MOXD1: variants seen among roughly 807,000 people sequenced by gnomAD.
The protein encoded by MOXD1 is DBH-like monooxygenase protein 1.
In MOXD1, 62 loss-of-function variants were observed where a neutral mutation model predicts 66.6. The ratio of observed to expected loss-of-function variants is 0.93; its 90% CI spans 0.76 to 1.15. The LOEUF (loss-of-function observed/expected upper bound fraction) is 1.15. Among genes scored for constraint, MOXD1 ranks in the 50% most tolerant of loss-of-function variants. The probability of loss-of-function intolerance (pLI) is 0.00; values close to 1 mark genes in which losing one functional copy is unlikely to be tolerated. For synonymous variants in MOXD1, 303 were observed against 281.9 expected, an observed-to-expected ratio of 1.07 and a Z score of -0.75; for missense variants, 847 against 754.6, an observed-to-expected ratio of 1.12 and a Z score of -1.44.
At chr6:132,338,184 C>G (rs7739587) in intron 4 of MOXD1, among the ~76,000 whole-genome samples, 115 of 152,236 alleles carry the variant, frequency 7.6e-4, no homozygotes, top group African/African-American at 2.6e-3. Context: ...AGTGTCACAG[C>G]GCAGATTTGA....
chr6:132,371,156 CA>C (rs1776255412), intron 4 of MOXD1, among the ~76,000 whole-genome samples: 1 of 152,070 alleles, frequency 6.6e-6, no homozygotes, highest in Non-Finnish European at 1.5e-5. Context: ...AGCCTGGTTC[CA>C]GTTAAATTTA....
At chr6:132,321,123 G>A (rs1775070225) in intron 8 of MOXD1, among the ~76,000 whole-genome samples, 1 of 152,136 alleles carries the variant, frequency 6.6e-6, no homozygotes, top group Admixed American at 6.6e-5. Flanking sequence ...AAATTAGCCA[G>A]GCGTGGTTGC....
intron 1 of MOXD1, among the ~76,000 whole-genome samples, chr6:132,386,433 C>CAAA (rs143926667): frequency 1.1e-4 from 7 of 65,098 alleles, no homozygotes; most frequent in African/African-American, 3.6e-4. Flanking sequence ...CAAAACAAAA[C>CAAA]AAAAAAAAAA....
At chr6:132,367,655 C>A (rs1776174623) in intron 4 of MOXD1, among the ~76,000 whole-genome samples, 1 of 152,004 alleles carries the variant, frequency 6.6e-6, no homozygotes, top group Non-Finnish European at 1.5e-5. Flanking sequence ...GTTGCCTGAT[C>A]ATAATAGTTG....
At chr6:132,398,071 C>G (rs56172786) in intron 1 of MOXD1, among the ~76,000 whole-genome samples, 26,023 of 152,138 alleles carry the variant, frequency 0.17, 2,612 homozygotes, top group Middle Eastern at 0.25. Context: ...TTTTGAGTCT[C>G]TATTGTCTAT....
intron 1 of MOXD1, among the ~76,000 whole-genome samples, chr6:132,397,778 T>C (rs1324248533): frequency 6.6e-6 from 1 of 152,134 alleles, no homozygotes; most frequent in Admixed American, 6.6e-5. Context: ...CAATACTGAA[T>C]TTACATTCCT....
intron 4 of MOXD1, among the ~76,000 whole-genome samples, chr6:132,350,079 G>A (rs1224316722): frequency 6.6e-6 from 1 of 152,180 alleles, no homozygotes; most frequent in Non-Finnish European, 1.5e-5. Context: ...TGGGTTGTCT[G>A]TTTACTCTGC....
At position 132,297,009 on chromosome 6, in the gene MOXD1, C is replaced by A. The variant is rs988605640; in HGVS notation, c.*144G>T. The A allele has an allele frequency of 8.4e-5, 59 of 703,916 alleles. No individual in the cohort carries two copies. Among genetic ancestry groups the A allele is most frequent in the Non-Finnish European group, 1.2e-4 (53 of 435,038 alleles). The allele number at this position is 703,916 out of a possible 1,614,324, so 43.6% of individuals were successfully genotyped here. On this transcript the variant is annotated 3_prime_UTR_variant, in exon 12 of 12. Coordinates refer to ENST00000367963, the MANE Select transcript of MOXD1 (RefSeq NM_015529.4). ...AACCTGATTGATGTCTCTCATGTAA[C>A]ATGGAAAGGAAAAAGGAGGGAGGGA...
chr6:132,310,681 A>G (rs998157749), intron 10 of MOXD1, among the ~76,000 whole-genome samples: 2 of 152,182 alleles, frequency 1.3e-5, no homozygotes, highest in African/African-American at 2.4e-5. Context: ...AAGGAATGAG[A>G]TCATGTCCTT....
chr6:132,360,923 T>C (rs1290798301), intron 4 of MOXD1, among the ~76,000 whole-genome samples: 2 of 152,138 alleles, frequency 1.3e-5, no homozygotes, highest in African/African-American at 2.4e-5. Flanking sequence ...TAAACCAAAG[T>C]GTCTCTCCTA....
At chr6:132,324,485 G>A (rs1775146473) in intron 6 of MOXD1, among the ~76,000 whole-genome samples, 1 of 152,136 alleles carries the variant, frequency 6.6e-6, no homozygotes, top group Non-Finnish European at 1.5e-5. Flanking sequence ...ATTGTTTCGA[G>A]ATGAAGTTCA....
chr6:132,394,267 C>G (rs955342088), intron 1 of MOXD1, among the ~76,000 whole-genome samples: 1 of 152,124 alleles, frequency 6.6e-6, no homozygotes. Context: ...GAGTCAAGGC[C>G]AAAGTGCCCT....
Position 132,374,506 on chromosome 6 carries a change from AT to A in MOXD1, c.411+124del, listed in dbSNP as rs201819887. On this transcript the variant is annotated intron_variant, in intron 2 of 11. Transcript: ENST00000367963. ...AAAACTAAAAAAAAAACTAAAAAAA[AT>A]CAAAAAAGATTTCAAAAATATTAGA... 1,550 of 1,037,702 alleles carry A rather than the reference AT, an allele frequency of 1.5e-3. 19 individuals are homozygous for A. The African/African-American group carries it at 0.023, about 15-fold the overall frequency. 64.3% of individuals were successfully genotyped at this position (1,037,702 alleles called of 1,614,324 possible).
chr6:132,314,965 C>T (rs1415557862), intron 10 of MOXD1, among the ~76,000 whole-genome samples: 1 of 152,162 alleles, frequency 6.6e-6, no homozygotes, highest in Non-Finnish European at 1.5e-5. Context: ...GAAAGGCCTG[C>T]TTGCAAGGAT....
Position 132,337,810 on chromosome 6 carries a change from T to C in MOXD1, c.664-9216A>G, listed in dbSNP as rs140491484. Among the ~76,000 whole-genome samples, 324 of 152,324 alleles carry C rather than the reference T, an allele frequency of 2.1e-3. 1 individual carries two copies. The highest frequency in any genetic ancestry group is 7.3e-3 in the African/African-American group (304 of 41,562). ...TACCTATATTAGCATATATAGTAAT[T>C]ATCAATTACTTGAGATATTCAATAC... On this transcript the variant is annotated intron_variant, in intron 4 of 11. Coordinates refer to ENST00000367963, the MANE Select transcript of MOXD1 (RefSeq NM_015529.4).
intron 4 of MOXD1, among the ~76,000 whole-genome samples, chr6:132,342,922 C>A (rs1438156091): frequency 6.6e-6 from 1 of 152,082 alleles, no homozygotes; most frequent in African/African-American, 2.4e-5. Flanking sequence ...GATAGATGCA[C>A]ATGTACTAAC....
intron 10 of MOXD1, among the ~76,000 whole-genome samples, chr6:132,302,769 G>A (rs1303860064): frequency 6.6e-6 from 1 of 151,952 alleles, no homozygotes; most frequent in East Asian, 1.9e-4. Context: ...GGGAAAAAAT[G>A]ACAAAGTTTT....
chr6:132,299,973 C>T (rs1180478352), intron 10 of MOXD1, among the ~76,000 whole-genome samples: 3 of 151,100 alleles, frequency 2.0e-5, no homozygotes, highest in Non-Finnish European at 4.4e-5. Context: ...ATTAAAAGTT[C>T]CTTATTAATT....
chr6:132,360,110 C>T lies in MOXD1; in HGVS notation c.663+12498G>A, dbSNP rs150204244. Among the ~76,000 whole-genome samples the T allele has an allele frequency of 1.4e-4, 22 of 152,318 alleles. No homozygotes were observed. In the East Asian group the frequency reaches 4.1e-3, roughly 28 times the overall value. ...TTGCCACATGTGGGACCAAGTGGAG[C>T]TTCCTCAGGGACCAATGTGTAATAC... On this transcript the variant is annotated intron_variant, in intron 4 of 11. Coordinates refer to ENST00000367963, the MANE Select transcript of MOXD1 (RefSeq NM_015529.4).
Sources: allele counts gnomAD v4.1 joint callset (sites outside exome capture counted in the v4.1 genomes callset), GRCh38; gene constraint gnomAD v4.1.1; transcripts MANE v1.5; gene names NCBI Gene and HGNC (gene_info 2026-07-23, HGNC 2026-07-21).